Variants in YES1 observed in about 807,000 individuals in gnomAD.
The protein encoded by YES1 is tyrosine-protein kinase Yes.
Under a neutral mutation model 70.4 loss-of-function variants are expected in YES1, and 39 were observed. The ratio of observed to expected loss-of-function variants is 0.55; its 90% confidence interval spans 0.43 to 0.72. The LOEUF is 0.72. Among genes scored for constraint, YES1 ranks in the 30% least tolerant of loss-of-function variants. The pLI, the probability that YES1 is intolerant of heterozygous loss-of-function variation, is 0.00. For synonymous variants in YES1, 198 were observed against 218.6 expected (o/e 0.91, Z 0.83); for missense variants, 495 against 644.8 (o/e 0.77, Z 2.52).
chr18:769,288 GT>G (rs1326255893), intron 1 of YES1, among the ~76,000 whole-genome samples: 1 of 152,152 alleles, frequency 6.6e-6, no homozygotes, highest in Admixed American at 6.5e-5. Context: ...TGTATATTAC[GT>G]TCTTGTGACT....
intron 4 of YES1, among the ~76,000 whole-genome samples, chr18:746,944 CTAATTG>C (rs1482861092): frequency 6.6e-6 from 1 of 152,066 alleles, no homozygotes; most frequent in African/African-American, 2.4e-5. Context: ...TTTTTCTTAA[CTAATTG>C]TAAGTTGCAA....
At chr18:810,625 CA>C (rs1568225171) in intron 1 of YES1, among the ~76,000 whole-genome samples, 1 of 152,148 alleles carries the variant, frequency 6.6e-6, no homozygotes, top group African/African-American at 2.4e-5. Context: ...GTTTTCAGAT[CA>C]AAGGCAATTG....
chr18:770,689 C>T (rs1328952421), intron 1 of YES1, among the ~76,000 whole-genome samples: 1 of 152,150 alleles, frequency 6.6e-6, no homozygotes, highest in East Asian at 1.9e-4. Context: ...CTGTAAAGCT[C>T]ACTTTGTTTG....
chr18:812,327 GC>G (rs10617278), upstream of YES1: 3,215 of 145,040 alleles, frequency 0.022, 59 homozygotes, highest in East Asian at 0.058. Flanking sequence ...CACCTCCTCC[GC>G]CCCCCCCCCC....
chr18:746,916 A>G (rs76880270), intron 4 of YES1, among the ~76,000 whole-genome samples: 5,948 of 152,226 alleles, frequency 0.039, 155 homozygotes, highest in East Asian at 0.12. Context: ...GTGTGCATGT[A>G]TATATATACA....
intron 1 of YES1, among the ~76,000 whole-genome samples, chr18:773,770 G>C (rs1265045145): frequency 6.7e-6 from 1 of 150,134 alleles, no homozygotes; most frequent in African/African-American, 2.5e-5. Context: ...ATCCAATGCT[G>C]ACTAATAAAA....
intron 1 of YES1, among the ~76,000 whole-genome samples, chr18:792,565 ATGTGTGTG>A (rs71174292): frequency 0.32 from 47,475 of 146,996 alleles, 7,751 homozygotes; most frequent in Admixed American, 0.41. Flanking sequence ...CCCTCTGTAT[ATGTGTGTG>A]TGTGTGTGTG....
At chr18:807,026 T>A (rs1243440874) in intron 1 of YES1, among the ~76,000 whole-genome samples, 1 of 152,128 alleles carries the variant, frequency 6.6e-6, no homozygotes, top group Non-Finnish European at 1.5e-5. Flanking sequence ...TCCCAGCATT[T>A]CGGGAGGCCC....
intron 2 of YES1, among the ~76,000 whole-genome samples, chr18:753,767 T>C (rs1368637959): frequency 1.3e-5 from 2 of 152,228 alleles, no homozygotes; most frequent in Non-Finnish European, 2.9e-5. Context: ...ATTAAAGGTG[T>C]GAGCCACCCT....
chr18:753,979 T>G (rs531305879), intron 2 of YES1, among the ~76,000 whole-genome samples: 1 of 152,166 alleles, frequency 6.6e-6, no homozygotes, highest in Non-Finnish European at 1.5e-5. Flanking sequence ...CTATTTACTT[T>G]CCATTTCCAC....
intron 1 of YES1, among the ~76,000 whole-genome samples, chr18:785,303 G>T (rs1905879003): frequency 1.3e-5 from 2 of 152,170 alleles, no homozygotes; most frequent in Admixed American, 1.3e-4. Flanking sequence ...CCAAGTGATT[G>T]AGTCAATGGA....
At chr18:732,690 G>A in intron 11 of YES1, 144 bp downstream of exon 11, 2 of 1,110,750 alleles carry the variant, frequency 1.8e-6, no homozygotes, top group Non-Finnish European at 2.6e-6. Context: ...CAATGCCACA[G>A]TAAAGGGAAG....
At chr18:806,508 G>T (rs767079230) in intron 1 of YES1, among the ~76,000 whole-genome samples, 1 of 152,140 alleles carries the variant, frequency 6.6e-6, no homozygotes, top group African/African-American at 2.4e-5. Flanking sequence ...TTTTGTTTGC[G>T]AAAAGTCCAT....
At chr18:762,669 C>A (rs1904656429) in intron 1 of YES1, among the ~76,000 whole-genome samples, 1 of 152,154 alleles carries the variant, frequency 6.6e-6, no homozygotes, top group Non-Finnish European at 1.5e-5. Flanking sequence ...GTACACTACT[C>A]CGGTGACGGG....
At chr18:744,750 T>G (rs1026262330) in intron 6 of YES1, among the ~76,000 whole-genome samples, 1 of 146,802 alleles carries the variant, frequency 6.8e-6, no homozygotes, top group East Asian at 2.0e-4. Flanking sequence ...CCCAGGCTGT[T>G]CTTGAACTCC....
chr18:733,644 G>A (rs546688907), intron 10 of YES1, among the ~76,000 whole-genome samples: 71 of 151,992 alleles, frequency 4.7e-4, no homozygotes, highest in African/African-American at 1.7e-3. Flanking sequence ...TTAGCTGGGC[G>A]AGGTGGCAGG....
chr18:754,029 G>A (rs550802453), intron 2 of YES1, among the ~76,000 whole-genome samples: 2 of 152,016 alleles, frequency 1.3e-5, no homozygotes, highest in Non-Finnish European at 1.5e-5. Flanking sequence ...TTTCTCACAG[G>A]GACTGGGTGG....
intron 1 of YES1, among the ~76,000 whole-genome samples, chr18:764,304 C>T (rs1210009955): frequency 6.6e-6 from 1 of 152,164 alleles, no homozygotes; most frequent in Non-Finnish European, 1.5e-5. Flanking sequence ...CACACTACAA[C>T]CTCTGCCTCC....
At chr18:804,402 G>A (rs1375984555) in intron 1 of YES1, among the ~76,000 whole-genome samples, 1 of 152,104 alleles carries the variant, frequency 6.6e-6, no homozygotes, top group African/African-American at 2.4e-5. Context: ...GAGGTCAGGA[G>A]TTCGAGACCA....
Sources: allele counts gnomAD v4.1 joint callset (sites outside exome capture counted in the v4.1 genomes callset), GRCh38; gene constraint gnomAD v4.1.1; transcripts MANE v1.5; gene names NCBI Gene and HGNC (gene_info 2026-07-23, HGNC 2026-07-21).